SLC24A3: variants seen among roughly 807,000 people sequenced by gnomAD.
SLC24A3 encodes the protein solute carrier family 24 member 3.
In SLC24A3, 28 loss-of-function variants were observed where a neutral mutation model predicts 75.8. The ratio of observed to expected loss-of-function variants is 0.37; its 90% CI spans 0.27 to 0.51. The LOEUF (loss-of-function observed/expected upper bound fraction) is 0.51. Among genes scored for constraint, SLC24A3 ranks in the 20% least tolerant of loss-of-function variants. The pLI, the probability that SLC24A3 is intolerant of heterozygous loss-of-function variation, is 0.94. For missense variants in SLC24A3, 663 were observed against 847.8 expected, an observed-to-expected ratio of 0.78 and a Z score of 2.71; for synonymous variants, 372 against 334.1, an observed-to-expected ratio of 1.11 and a Z score of -1.24.
intron 2 of SLC24A3, among the ~76,000 whole-genome samples, chr20:19,353,336 G>A (rs1985613598): frequency 6.6e-6 from 1 of 152,116 alleles, no homozygotes; most frequent in Non-Finnish European, 1.5e-5. Flanking sequence ...ACAGGCAGGG[G>A]GAAGCTGAAG....
In SLC24A3 at chr20:19,681,869, G is replaced by A. The variant is rs902968446; in HGVS notation, c.779G>A (p.Cys260Tyr). ...GTCGCTTTGCTCAGATATAACGCTT[G>A]CATACATCAGTGCTTTGAGAGGAGG... ...IYIVIMKYNA[C>Y]IHQCFERRTK... Residue 260 changes from cysteine (C) to tyrosine (Y), a missense_variant, in exon 10 of 17, where the codon TGC (cysteine) becomes TAC (tyrosine). Physicochemically the swap from Cys to Tyr is radical, Grantham distance 194 (BLOSUM62 -2). Transcript: ENST00000328041. 3 of 1,614,110 alleles carry A rather than the reference G, an allele frequency of 1.9e-6. No homozygotes were observed. Among genetic ancestry groups the A allele is most frequent in the Admixed American group, 3.3e-5 (2 of 60,018 alleles).
At chr20:19,328,033 G>C (rs779324963) in intron 2 of SLC24A3, among the ~76,000 whole-genome samples, 9 of 152,146 alleles carry the variant, frequency 5.9e-5, no homozygotes, top group Admixed American at 1.3e-4. Flanking sequence ...GGAGTTTGGA[G>C]GGCTTGCTTT....
intron 6 of SLC24A3, among the ~76,000 whole-genome samples, chr20:19,599,980 T>G (rs2031504886): frequency 6.6e-6 from 1 of 152,182 alleles, no homozygotes; most frequent in Non-Finnish European, 1.5e-5. Context: ...TTTCCTGTTT[T>G]GGAAACATGT....
At chr20:19,609,195 G>A (rs2031639534) in intron 6 of SLC24A3, among the ~76,000 whole-genome samples, 1 of 152,116 alleles carries the variant, frequency 6.6e-6, no homozygotes, top group African/African-American at 2.4e-5. Context: ...GACCATGCAG[G>A]AAAATGAAAT....
intron 2 of SLC24A3, among the ~76,000 whole-genome samples, chr20:19,332,545 A>G (rs1985024013): frequency 6.6e-6 from 1 of 152,224 alleles, no homozygotes; most frequent in Non-Finnish European, 1.5e-5. Flanking sequence ...GACACATGCC[A>G]AGAATGACAA....
Position 19,281,072 on chromosome 20 carries a change from A to T in SLC24A3, c.256A>T (p.Asn86Tyr). Residue 86 changes from asparagine (N) to tyrosine (Y), a missense_variant, in exon 2 of 17, where the codon AAC becomes TAC. Physicochemically the swap from Asn to Tyr is moderately radical, Grantham distance 143 (BLOSUM62 -2). Transcript: ENST00000328041. ...SEDAGLRNSKNCTEPALHEFP... is the reference protein window; with the variant it reads ...SEDAGLRNSKYCTEPALHEFP... ...AGATGCCGGACTCCGGAACAGCAAG[A>T]ACTGCACCGAACCAGGTAACAGTGC... 6.2e-7 allele frequency: 1 copy of T among 1,614,158 alleles called. No homozygotes were observed. Among genetic ancestry groups the T allele is most frequent in the East Asian group, 2.2e-5 (1 of 44,894 alleles).
intron 2 of SLC24A3, among the ~76,000 whole-genome samples, chr20:19,347,822 A>G (rs1008565495): frequency 1.6e-4 from 24 of 152,226 alleles, no homozygotes; most frequent in Non-Finnish European, 2.9e-4. Flanking sequence ...TGGGACTTCA[A>G]ATTAGTTACA....
At position 19,228,705 on chromosome 20, in the gene SLC24A3, A is replaced by G. The variant is rs144141721; in HGVS notation, c.142+15721A>G. On this transcript the variant is annotated intron_variant, in intron 1 of 16. Coordinates refer to ENST00000328041, the MANE Select transcript of SLC24A3 (RefSeq NM_020689.4). ...ATCAAATGCCTTATTAACACTTATTAAAGTGTTTAATATAACAATATATAT... is the reference window on the plus strand; with the variant it reads ...ATCAAATGCCTTATTAACACTTATTGAAGTGTTTAATATAACAATATATAT... Among the ~76,000 whole-genome samples the G allele has an allele frequency of 3.2e-3, 488 of 152,288 alleles. 4 individuals are homozygous for G. Among genetic ancestry groups the G allele is most frequent in the African/African-American group, 0.011 (464 of 41,550 alleles).
intron 3 of SLC24A3, among the ~76,000 whole-genome samples, chr20:19,527,769 A>G (rs893831759): frequency 2.6e-5 from 4 of 152,234 alleles, no homozygotes; most frequent in Admixed American, 2.0e-4. Context: ...AAGACATAGC[A>G]TCTAAACAAA....
chr20:19,580,676 A>C (rs980210640), intron 4 of SLC24A3, among the ~76,000 whole-genome samples: 4 of 152,178 alleles, frequency 2.6e-5, no homozygotes, highest in Non-Finnish European at 5.9e-5. Context: ...GCAGATCTAG[A>C]ACTCTTTCAT....
chr20:19,279,212 T>C (rs1456743552), intron 1 of SLC24A3, among the ~76,000 whole-genome samples: 1 of 152,228 alleles, frequency 6.6e-6, no homozygotes, highest in Non-Finnish European at 1.5e-5. Context: ...AGACACCGTG[T>C]TGGTGTGGCT....
intron 4 of SLC24A3, among the ~76,000 whole-genome samples, chr20:19,584,452 AC>A (rs1377386386): frequency 6.6e-6 from 1 of 152,208 alleles, no homozygotes; most frequent in Non-Finnish European, 1.5e-5. Context: ...GCATAGTATC[AC>A]AAAAATCAGG....
intron 2 of SLC24A3, among the ~76,000 whole-genome samples, chr20:19,388,786 T>A (rs1986317253): frequency 6.6e-6 from 1 of 152,252 alleles, no homozygotes; most frequent in Non-Finnish European, 1.5e-5. Context: ...CTAAAGTGAA[T>A]CTTTTGTAGT....
Position 19,518,410 on chromosome 20 carries a change from G to T in SLC24A3, c.348+2846G>T, listed in dbSNP as rs182029383. On this transcript the variant is annotated intron_variant, in intron 3 of 16. Coordinates refer to ENST00000328041, the MANE Select transcript of SLC24A3 (RefSeq NM_020689.4). ...TGCCATGCACCAAATGCTGACGAGG[G>T]TCTATACAGCGTGCTGTGCTGTGGG... is the stretch of plus-strand genomic sequence containing the variant. 6.6e-5 allele frequency among the ~76,000 whole-genome samples: 10 copies of T among 152,330 alleles called. No individual in the cohort carries two copies. The East Asian group carries it at 1.9e-3, about 29-fold the overall frequency.
At chr20:19,456,973 G>C (rs1672336483) in intron 2 of SLC24A3, among the ~76,000 whole-genome samples, 1 of 152,188 alleles carries the variant, frequency 6.6e-6, no homozygotes, top group Admixed American at 6.5e-5. Context: ...TTAAATATTA[G>C]AGCCTGAGCT....
intron 6 of SLC24A3, among the ~76,000 whole-genome samples, chr20:19,652,527 T>A (rs2032218820): frequency 6.6e-6 from 1 of 152,234 alleles, no homozygotes; most frequent in African/African-American, 2.4e-5. Context: ...TATTCTAACA[T>A]GATTTTTCTG....
chr20:19,406,773 A>G (rs963557097), intron 2 of SLC24A3, among the ~76,000 whole-genome samples: 2 of 152,222 alleles, frequency 1.3e-5, no homozygotes, highest in African/African-American at 4.8e-5. Flanking sequence ...CCCAACTAGA[A>G]TGAGACAGTG....
chr20:19,512,199 G>C (rs747482050), intron 2 of SLC24A3, among the ~76,000 whole-genome samples: 5 of 152,226 alleles, frequency 3.3e-5, no homozygotes, highest in Non-Finnish European at 5.9e-5. Flanking sequence ...GCAGGCCCTG[G>C]AGAGCAGACC....
At chr20:19,371,102 T>A (rs1985983907) in intron 2 of SLC24A3, among the ~76,000 whole-genome samples, 1 of 152,066 alleles carries the variant, frequency 6.6e-6, no homozygotes, top group South Asian at 2.1e-4. Flanking sequence ...GGGAGGTGAA[T>A]GAGGACAGGA....
Sources: allele counts gnomAD v4.1 joint callset (sites outside exome capture counted in the v4.1 genomes callset), GRCh38; gene constraint gnomAD v4.1.1; transcripts MANE v1.5; gene names NCBI Gene and HGNC (gene_info 2026-07-23, HGNC 2026-07-21).